Variants in AJAP1 observed in about 807,000 individuals in gnomAD.
AJAP1 encodes the protein adherens junctions associated protein 1, also known as adherens junction-associated protein 1.
Under a neutral mutation model 35.0 loss-of-function variants are expected in AJAP1, and 5 were observed. The ratio of observed to expected loss-of-function variants is 0.14; its 90% CI spans 0.07 to 0.30. The LOEUF (loss-of-function observed/expected upper bound fraction) is 0.30. Among genes scored for constraint, AJAP1 ranks in the 10% least tolerant of loss-of-function variants. The pLI is 1.00. For synonymous variants in AJAP1, 284 were observed against 249.3 expected (o/e 1.14, Z -1.31); for missense variants, 586 against 571.0 (o/e 1.03, Z -0.27).
rs186058209 is a variant in AJAP1 at position 4,734,825 on chromosome 1, C to T, written c.829+22126C>T. ...TCCCCCGGACAAGGTTTCTAAGGCC[C>T]GGGAAGCATCTTCTGCTTCCGAGGC... On this transcript the variant is annotated intron_variant, in intron 2 of 5. Coordinates refer to ENST00000378191, the MANE Select transcript of AJAP1 (RefSeq NM_018836.4). The surrounding 1 kb of genome is among the most constrained non-coding windows in gnomAD (Gnocchi z 4.3). 2.1e-4 allele frequency among the ~76,000 whole-genome samples: 32 copies of T among 152,302 alleles called. No homozygotes were observed. Among genetic ancestry groups the T allele is most frequent in the African/African-American group, 7.7e-4 (32 of 41,562 alleles).
intron 1 of AJAP1, among the ~76,000 whole-genome samples, chr1:4,710,913 T>C (rs242055): frequency 0.14 from 21,735 of 152,146 alleles, 1,827 homozygotes; most frequent in Non-Finnish European, 0.19. Context: ...CCATGTGAAC[T>C]GGGGAGGGGC....
At chr1:4,755,740 A>G (rs569430791) in intron 2 of AJAP1, among the ~76,000 whole-genome samples, 7 of 151,424 alleles carry the variant, frequency 4.6e-5, no homozygotes, top group Non-Finnish European at 7.4e-5. Flanking sequence ...GGATTTCGCA[A>G]TGGGGGAGAG....
intron 1 of AJAP1, among the ~76,000 whole-genome samples, chr1:4,695,654 C>G (rs1340344487): frequency 6.6e-6 from 1 of 152,202 alleles, no homozygotes; most frequent in Non-Finnish European, 1.5e-5. Context: ...CTGGTTCCTG[C>G]TGAGGCCGCT....
chr1:4,761,120 T>C (rs944219505), intron 2 of AJAP1, among the ~76,000 whole-genome samples: 8 of 152,176 alleles, frequency 5.3e-5, no homozygotes, highest in African/African-American at 1.9e-4. Context: ...ACTCAGAGGG[T>C]AAATCTCACT....
At chr1:4,728,375 C>T (rs948975087) in intron 2 of AJAP1, among the ~76,000 whole-genome samples, 16 of 152,140 alleles carry the variant, frequency 1.1e-4, no homozygotes, top group Admixed American at 5.2e-4. Context: ...CATTGTGTGG[C>T]TCGTGGTTTC....
chr1:4,772,226 T>C, intron 3 of AJAP1, 54 bp from the exon 4 acceptor site: 1 of 1,605,100 alleles, frequency 6.2e-7, no homozygotes, highest in Middle Eastern at 1.7e-4. Context: ...GGAGTTGTGT[T>C]TGTGGGTTTC....
chr1:4,678,370 G>A (rs1327712945), intron 1 of AJAP1, among the ~76,000 whole-genome samples: 2 of 152,216 alleles, frequency 1.3e-5, no homozygotes, highest in Admixed American at 6.5e-5. Context: ...CCTGGGTCAG[G>A]AGTCTGGGCA....
chr1:4,750,375 A>G (rs1641294606), intron 2 of AJAP1, among the ~76,000 whole-genome samples: 1 of 152,214 alleles, frequency 6.6e-6, no homozygotes, highest in South Asian at 2.1e-4. Context: ...GTATGCTAAA[A>G]ATAGAATGAG....
chr1:4,658,350 C>A (rs578013437), intron 1 of AJAP1, among the ~76,000 whole-genome samples: 34 of 152,186 alleles, frequency 2.2e-4, no homozygotes, highest in Admixed American at 1.0e-3. Flanking sequence ...CCTCTCAGTG[C>A]GCGCTGTACC....
intron 1 of AJAP1, among the ~76,000 whole-genome samples, chr1:4,710,038 A>G (rs1290739264): frequency 6.6e-6 from 1 of 152,094 alleles, no homozygotes; most frequent in Non-Finnish European, 1.5e-5. Flanking sequence ...AAACTCTCCT[A>G]CACAGACACA....
At chr1:4,676,981 A>AC (rs1639375820) in intron 1 of AJAP1, among the ~76,000 whole-genome samples, 1 of 152,082 alleles carries the variant, frequency 6.6e-6, no homozygotes, top group Admixed American at 6.5e-5. Flanking sequence ...ACATGGTGAA[A>AC]CCCCGTCTCT....
intron 1 of AJAP1, among the ~76,000 whole-genome samples, chr1:4,691,662 C>T (rs1335160534): frequency 1.3e-5 from 2 of 152,130 alleles, no homozygotes; most frequent in East Asian, 3.9e-4. Context: ...AAAAGCGACC[C>T]ACCCGCTGAC....
chr1:4,756,822 T>G (rs1180962054), intron 2 of AJAP1, among the ~76,000 whole-genome samples: 1 of 152,152 alleles, frequency 6.6e-6, no homozygotes, highest in African/African-American at 2.4e-5. Flanking sequence ...CACCTTGATT[T>G]GAGCAGAGAA....
intron 5 of AJAP1, among the ~76,000 whole-genome samples, chr1:4,780,299 C>T (rs1253890092): frequency 6.6e-6 from 1 of 151,964 alleles, no homozygotes; most frequent in South Asian, 2.1e-4. Context: ...ACTCACTCCC[C>T]GTCTCCCCCC....
At position 4,772,583 on chromosome 1, in the gene AJAP1, C is replaced by T. The variant is rs550813717; in HGVS notation, c.1163+58C>T. 1.2e-4 allele frequency: 187 copies of T among 1,591,486 alleles called. 1 individual carries two copies. The highest frequency in any genetic ancestry group is 1.0e-3 in the South Asian group (90 of 87,982). ...TGAAGCTCTTGGTGCTCCTGACCCCCGGGGGCCGGTGTGGCTGAGCTGAGA... is the reference window on the plus strand; with the variant it reads ...TGAAGCTCTTGGTGCTCCTGACCCCTGGGGGCCGGTGTGGCTGAGCTGAGA... On this transcript the variant is annotated intron_variant, in intron 4 of 5. Transcript: ENST00000378191.
At chr1:4,665,321 T>A (rs116651000) in intron 1 of AJAP1, among the ~76,000 whole-genome samples, 3,636 of 152,246 alleles carry the variant, frequency 0.024, 167 homozygotes, top group African/African-American at 0.083. Context: ...GTCTCCTGGA[T>A]GCTGTGGCAT....
intron 1 of AJAP1, among the ~76,000 whole-genome samples, chr1:4,686,468 A>G (rs896021306): frequency 6.6e-6 from 1 of 152,196 alleles, no homozygotes; most frequent in African/African-American, 2.4e-5. Context: ...GGCTCCCAGA[A>G]TAACCCCATC....
intron 2 of AJAP1, among the ~76,000 whole-genome samples, chr1:4,754,879 TG>T (rs1641393331): frequency 6.6e-6 from 1 of 152,184 alleles, no homozygotes; most frequent in Non-Finnish European, 1.5e-5. Context: ...CTGGGGCATT[TG>T]TGGGGACAGT....
chr1:4,684,345 CA>C (rs1385373635), intron 1 of AJAP1, among the ~76,000 whole-genome samples: 1 of 152,150 alleles, frequency 6.6e-6, no homozygotes, highest in Non-Finnish European at 1.5e-5. Context: ...CCATGAGGCT[CA>C]CCTCCTGCCT....
Sources: gnomAD v4.1 joint callset for allele counts (sites outside exome capture counted in the v4.1 genomes callset) on GRCh38, gnomAD v4.1.1 for gene constraint, Gnocchi (gnomAD v3.1) non-coding constraint, MANE v1.5 for transcripts, NCBI Gene and HGNC (gene_info 2026-07-23, HGNC 2026-07-21) for gene names.